CACNA2D3: variants seen among roughly 807,000 people sequenced by gnomAD.
The protein encoded by CACNA2D3 is voltage-dependent calcium channel subunit alpha-2/delta-3.
In CACNA2D3, 60 loss-of-function variants were observed where a neutral mutation model predicts 160.6. That is an observed-to-expected ratio of 0.37 (90% CI 0.30 to 0.46). CACNA2D3 has a LOEUF of 0.46. CACNA2D3 is among the 20% of genes least tolerant of loss of function. CACNA2D3 has a pLI of 1.00. For synonymous variants in CACNA2D3, 558 were observed against 492.9 expected (o/e 1.13, Z -1.75); for missense variants, 1,205 against 1,365.0 (o/e 0.88, Z 1.85).
At chr3:54,544,807 T>A (rs949460666) in intron 5 of CACNA2D3, among the ~76,000 whole-genome samples, 2 of 152,194 alleles carry the variant, frequency 1.3e-5, no homozygotes, top group East Asian at 1.9e-4. Context: ...TTAAAAAAAA[T>A]TTATTATATT....
chr3:54,458,911 A>G (rs1307574300), intron 4 of CACNA2D3, among the ~76,000 whole-genome samples: 1 of 151,958 alleles, frequency 6.6e-6, no homozygotes, highest in Non-Finnish European at 1.5e-5. Flanking sequence ...TCCTAATGCT[A>G]TCCCTCCCAA....
chr3:54,558,135 T>C (rs1702268252), intron 5 of CACNA2D3, among the ~76,000 whole-genome samples: 1 of 152,190 alleles, frequency 6.6e-6, no homozygotes, highest in Non-Finnish European at 1.5e-5. Flanking sequence ...ATGTGACCAT[T>C]TCTAGCATTA....
intron 11 of CACNA2D3, among the ~76,000 whole-genome samples, chr3:54,698,736 A>G (rs549956032): frequency 6.6e-6 from 1 of 152,324 alleles, no homozygotes; most frequent in African/African-American, 2.4e-5. Context: ...ACTGAGGGAA[A>G]TGTGAACAAC....
Position 55,004,801 on chromosome 3 carries a change from A to G in CACNA2D3, c.2729A>G (p.Asn910Ser). 1.9e-6 allele frequency: 3 copies of G among 1,613,660 alleles called. No homozygotes were observed. Among genetic ancestry groups the G allele is most frequent in the Non-Finnish European group, 2.5e-6 (3 of 1,179,696 alleles). Residue 910 changes from asparagine (N) to serine (S), a missense_variant, in exon 32 of 38, where the codon AAC (asparagine) becomes AGC (serine). Asn to Ser is a conservative substitution (Grantham distance 46). Transcript: ENST00000474759. ...GACTACCAAGCCATGTGTAGAGCCA[A>G]CAAGGAAAGCAGCGATGGCGCCCAT... ...LYDYQAMCRANKESSDGAHGL... is the reference protein window; with the variant it reads ...LYDYQAMCRASKESSDGAHGL...
At chr3:54,950,895 T>C (rs1045565019) in intron 27 of CACNA2D3, among the ~76,000 whole-genome samples, 3 of 152,194 alleles carry the variant, frequency 2.0e-5, no homozygotes, top group East Asian at 3.9e-4. Flanking sequence ...ACAGACAAGA[T>C]GGGGTGAGAG....
intron 2 of CACNA2D3, among the ~76,000 whole-genome samples, chr3:54,300,629 A>G (rs1703453690): frequency 6.6e-6 from 1 of 152,168 alleles, no homozygotes; most frequent in African/African-American, 2.4e-5. Flanking sequence ...GCTTTTGACT[A>G]TGCTGCTTTC....
chr3:54,344,668 G>C (rs537086695), intron 3 of CACNA2D3, among the ~76,000 whole-genome samples: 2 of 152,124 alleles, frequency 1.3e-5, no homozygotes, highest in Non-Finnish European at 2.9e-5. Flanking sequence ...CCTCTTGGGT[G>C]GGGGAAGGGG....
At chr3:54,860,828 G>A (rs1359086015) in intron 17 of CACNA2D3, among the ~76,000 whole-genome samples, 1 of 152,130 alleles carries the variant, frequency 6.6e-6, no homozygotes, top group African/African-American at 2.4e-5. Flanking sequence ...CCTGACCTCA[G>A]TTTCCTCCGC....
chr3:54,380,030 C>T (rs1337723826), intron 3 of CACNA2D3, among the ~76,000 whole-genome samples: 1 of 152,110 alleles, frequency 6.6e-6, no homozygotes, highest in Non-Finnish European at 1.5e-5. Flanking sequence ...CAACTCTATC[C>T]CAAGGACAGA....
chr3:55,007,917 T>TTG, intron 33 of CACNA2D3, 75 bp downstream of exon 33: 1 of 951,312 alleles, frequency 1.1e-6, no homozygotes, highest in Admixed American at 3.4e-5. Context: ...ATCTAAGAGA[T>TTG]TGTGAGTCAT....
At position 54,305,996 on chromosome 3, in the gene CACNA2D3, T is replaced by C. The variant is rs146184808; in HGVS notation, c.205-14446T>C. Among the ~76,000 whole-genome samples, 543 of 152,298 alleles carry C rather than the reference T, an allele frequency of 3.6e-3. 1 individual carries two copies. The highest frequency in any genetic ancestry group is 5.8e-3 in the Non-Finnish European group (393 of 68,018). ...TAGATCTCATTGTTTAATGCACCCATGAAGAAACACCTGTGTTTCTGCTTC... is the reference window on the plus strand; with the variant it reads ...TAGATCTCATTGTTTAATGCACCCACGAAGAAACACCTGTGTTTCTGCTTC... On this transcript the variant is annotated intron_variant, in intron 2 of 37. Coordinates refer to ENST00000474759, the MANE Select transcript of CACNA2D3 (RefSeq NM_018398.3).
chr3:54,710,988 G>T (rs2106963613), intron 11 of CACNA2D3, among the ~76,000 whole-genome samples: 1 of 152,252 alleles, frequency 6.6e-6, no homozygotes, highest in East Asian at 1.9e-4. Context: ...TTCATCTGTG[G>T]CTATGTAGCA....
rs140858986 is a variant in CACNA2D3, at chr3:54,469,039, A to T, written c.382-34453A>T. 3.8e-3 allele frequency among the ~76,000 whole-genome samples: 572 copies of T among 152,326 alleles called. 2 individuals are homozygous for T. The highest frequency in any genetic ancestry group is 7.1e-3 in the Non-Finnish European group (483 of 68,032). ...ATGTTCCCGCCTGCCGGCTCTTAAGAGAACAGCCCATCTCCCAGCACAGTG... is the reference window on the plus strand; with the variant it reads ...ATGTTCCCGCCTGCCGGCTCTTAAGTGAACAGCCCATCTCCCAGCACAGTG... On this transcript the variant is annotated intron_variant, in intron 4 of 37. Transcript: ENST00000474759.
At chr3:54,805,803 A>G (rs1420782488) in intron 13 of CACNA2D3, among the ~76,000 whole-genome samples, 9 of 152,348 alleles carry the variant, frequency 5.9e-5, no homozygotes, top group Middle Eastern at 3.4e-3. Context: ...AATATCCTCA[A>G]TCAAATACTG....
intron 27 of CACNA2D3, among the ~76,000 whole-genome samples, chr3:54,923,093 C>T (rs976264914): frequency 6.6e-6 from 1 of 152,168 alleles, no homozygotes; most frequent in East Asian, 1.9e-4. Flanking sequence ...TGCAGCCTTT[C>T]GTCAGTTCTC....
chr3:54,829,386 G>C (rs1017243689), intron 14 of CACNA2D3, among the ~76,000 whole-genome samples: 1 of 152,166 alleles, frequency 6.6e-6, no homozygotes, highest in African/African-American at 2.4e-5. Context: ...AGATTTGGGG[G>C]TGGTGCAAGT....
chr3:54,455,097 T>C (rs1465809845), intron 4 of CACNA2D3, among the ~76,000 whole-genome samples: 2 of 152,206 alleles, frequency 1.3e-5, no homozygotes, highest in African/African-American at 2.4e-5. Context: ...TCCTTTCCTT[T>C]GGATATATAC....
intron 27 of CACNA2D3, among the ~76,000 whole-genome samples, chr3:54,903,034 C>T (rs1700373839): frequency 6.6e-6 from 1 of 151,984 alleles, no homozygotes; most frequent in African/African-American, 2.4e-5. Context: ...AACAGAATAC[C>T]ACAGAATGAG....
intron 2 of CACNA2D3, among the ~76,000 whole-genome samples, chr3:54,209,976 A>G (rs1701343915): frequency 6.6e-6 from 1 of 152,160 alleles, no homozygotes; most frequent in Non-Finnish European, 1.5e-5. Context: ...TTTTACACAT[A>G]TTTATAGGGC....
Sources: allele counts gnomAD v4.1 joint callset (sites outside exome capture counted in the v4.1 genomes callset), GRCh38; gene constraint gnomAD v4.1.1; transcripts MANE v1.5; gene names NCBI Gene and HGNC (gene_info 2026-07-23, HGNC 2026-07-21).